RIMKLB: variants seen among roughly 807,000 people sequenced by gnomAD.
RIMKLB encodes the protein ribosomal modification protein rimK like family member B, also known as beta-citrylglutamate synthase B.
RIMKLB carries 7 observed loss-of-function variants against 32.0 expected under a neutral mutation model. The observed-to-expected ratio is 0.22, with a 90% confidence interval of 0.12 to 0.41. RIMKLB has a LOEUF of 0.41. Among genes scored for constraint, RIMKLB ranks in the 10% least tolerant of loss-of-function variants. RIMKLB has a pLI of 1.00. For missense variants in RIMKLB, 289 were observed against 498.7 expected, an observed-to-expected ratio of 0.58 and a Z score of 4.00; for synonymous variants, 172 against 185.1, an observed-to-expected ratio of 0.93 and a Z score of 0.57.
chr12:8,781,212 G>A (rs1592060914), downstream of RIMKLB, among the ~76,000 whole-genome samples: 1 of 152,252 alleles, frequency 6.6e-6, no homozygotes, highest in Admixed American at 6.5e-5. Flanking sequence ...GTGGTGGCGG[G>A]CACTTGTAAT....
chr12:8,781,867 G>T (rs12299708), downstream of RIMKLB, among the ~76,000 whole-genome samples: 10,488 of 152,010 alleles, frequency 0.069, 1,167 homozygotes, highest in African/African-American at 0.23. Context: ...GAATGTAAAT[G>T]TCAATTAAAT....
chr12:8,760,191 G>C (rs889263632), intron 5 of RIMKLB, among the ~76,000 whole-genome samples: 1 of 151,994 alleles, frequency 6.6e-6, no homozygotes, highest in Non-Finnish European at 1.5e-5. Flanking sequence ...AAGAACATGC[G>C]GTGTTTGGTT....
chr12:8,676,590 G>T, the RIMKLB span, among the ~76,000 whole-genome samples: 1 of 151,454 alleles, frequency 6.6e-6, no homozygotes, highest in African/African-American at 2.4e-5. Context: ...GTAGACACGG[G>T]GTTTCACCAT....
chr12:8,710,307 C>CTTT (rs762963381), intron 1 of RIMKLB, among the ~76,000 whole-genome samples: 19 of 125,556 alleles, frequency 1.5e-4, no homozygotes, highest in Non-Finnish European at 1.7e-4. Flanking sequence ...TTGTTTCCTT[C>CTTT]TTTTTTTTTT....
chr12:8,691,578 C>G (rs1310157259), intron 1 of RIMKLB, among the ~76,000 whole-genome samples: 2 of 152,048 alleles, frequency 1.3e-5, no homozygotes, highest in Non-Finnish European at 2.9e-5. Flanking sequence ...TGCACTCCCG[C>G]CTGGGTGACA....
chr12:8,754,216 G>T, intron 5 of RIMKLB, 123 bp downstream of exon 5: 2 of 688,540 alleles, frequency 2.9e-6, no homozygotes, highest in Non-Finnish European at 5.0e-6. Flanking sequence ...CCTTTTACAT[G>T]TAAATATGAT....
At chr12:8,687,884 G>A (rs1211321290) in intron 1 of RIMKLB, among the ~76,000 whole-genome samples, 3 of 151,896 alleles carry the variant, frequency 2.0e-5, no homozygotes, top group African/African-American at 7.3e-5. Context: ...TGCTTTGCCT[G>A]GGGATCTGTT....
downstream of RIMKLB, chr12:8,777,215 C>CTTTGTTTTTT (rs1555093893): frequency 1.6e-6 from 1 of 644,904 alleles, no homozygotes; most frequent in Non-Finnish European, 1.8e-6. Context: ...TGCTTGCTTT[C>CTTTGTTTTTT]TTTTTTTTTT....
intron 1 of RIMKLB, among the ~76,000 whole-genome samples, chr12:8,701,223 G>T (rs1246453893): frequency 6.6e-6 from 1 of 152,160 alleles, no homozygotes; most frequent in Non-Finnish European, 1.5e-5. Context: ...GTTGGAAATT[G>T]TCTCTTAATT....
At chr12:8,681,278 TATAC>T, upstream of RIMKLB, among the ~76,000 whole-genome samples, 1 of 152,102 alleles carries the variant, frequency 6.6e-6, no homozygotes, top group African/African-American at 2.4e-5. Context: ...CTGGTCTTCA[TATAC>T]CAGTGCTTTG....
chr12:8,684,740 T>C (rs1431802057), intron 1 of RIMKLB, among the ~76,000 whole-genome samples: 1 of 152,020 alleles, frequency 6.6e-6, no homozygotes, highest in African/African-American at 2.4e-5. Context: ...CTCACCTCGG[T>C]CTCCTAAGTA....
At chr12:8,747,906 C>T (rs894178493) in intron 2 of RIMKLB, among the ~76,000 whole-genome samples, 39 of 152,058 alleles carry the variant, frequency 2.6e-4, no homozygotes, top group Non-Finnish European at 4.1e-4. Flanking sequence ...CAGGCATGCA[C>T]CACCACACCT....
chr12:8,718,657 A>ATGTGTGTGTGTGTGTGTGTGTGTG (rs1394689486), intron 2 of RIMKLB, among the ~76,000 whole-genome samples: 1 of 133,538 alleles, frequency 7.5e-6, no homozygotes, highest in Admixed American at 7.2e-5. Flanking sequence ...CTCTCTCTAT[A>ATGTGTGTGTGTGTGTGTGTGTGTG]TATATATATA....
chr12:8,713,828 G>C lies in RIMKLB; in HGVS notation c.-39G>C, dbSNP rs767854426. ...CCATCTAGGTAGACGTTACATCCAA[G>C]AGGAAATAATCCAGGCAAGGAAGCA... On this transcript the variant is annotated 5_prime_UTR_variant, in exon 2 of 6. Transcript: ENST00000535829. The C allele has an allele frequency of 6.2e-7, 1 of 1,609,074 alleles. No homozygotes were observed. The highest frequency in any genetic ancestry group is 1.3e-5 in the African/African-American group (1 of 74,918).
chr12:8,668,840 C>T, the RIMKLB span: 2 of 152,114 alleles, frequency 1.3e-5, no homozygotes, highest in Admixed American at 6.5e-5. Flanking sequence ...AGGTACCCAG[C>T]TAAGTCATGT....
chr12:8,777,398 T>G, downstream of RIMKLB: 2 of 985,228 alleles, frequency 2.0e-6, no homozygotes, highest in Non-Finnish European at 2.4e-6. Flanking sequence ...TTTTGGATTT[T>G]TGTGTGGTAT....
the RIMKLB span, among the ~76,000 whole-genome samples, chr12:8,676,382 C>CTTTTTTTTTTTTTT: frequency 2.7e-5 from 1 of 37,338 alleles, no homozygotes; most frequent in Non-Finnish European, 4.7e-5. Flanking sequence ...CCCCCAACAG[C>CTTTTTTTTTTTTTT]TTTTTTTTTT....
intron 2 of RIMKLB, among the ~76,000 whole-genome samples, chr12:8,716,431 C>CTTTT (rs11307521): frequency 5.2e-3 from 422 of 81,402 alleles, no homozygotes; most frequent in Middle Eastern, 0.023. Flanking sequence ...ATTAACATGT[C>CTTTT]TTTTTTTTTT....
downstream of RIMKLB, chr12:8,779,940 C>G (rs1301144717): frequency 6.6e-6 from 1 of 152,126 alleles, no homozygotes; most frequent in East Asian, 1.9e-4. Context: ...TATGGTCAGT[C>G]CTTTTTAAAA....
Sources: gnomAD v4.1 joint callset for allele counts (sites outside exome capture counted in the v4.1 genomes callset) on GRCh38, gnomAD v4.1.1 for gene constraint, MANE v1.5 for transcripts, NCBI Gene and HGNC (gene_info 2026-07-23, HGNC 2026-07-21) for gene names.